Variants in LONP2 observed in about 807,000 individuals in gnomAD.
LONP2 encodes lon peptidase 2, peroxisomal, also known as lon protease homolog 2, peroxisomal.
A neutral mutation model predicts 85.6 loss-of-function variants in LONP2; 60 were observed. That is an observed-to-expected ratio of 0.70 (90% confidence interval 0.57 to 0.87). LONP2 has a LOEUF of 0.87. Among genes scored for constraint, LONP2 ranks in the 40% least tolerant of loss-of-function variants. LONP2 has a pLI of 0.00. For synonymous variants in LONP2, 395 were observed against 389.7 expected (o/e 1.01, Z -0.16); for missense variants, 860 against 1,063.5 (o/e 0.81, Z 2.66).
At chr16:48,345,236 A>AAAAACAG (rs1438077795) in intron 12 of LONP2, 2 of 152,218 alleles carry the variant, frequency 1.3e-5, no homozygotes, top group African/African-American at 4.8e-5. Flanking sequence ...ACAAAAAACA[A>AAAAACAG]AAACAAGAAG....
At position 48,362,578 on chromosome 16, in the gene LONP2, T is replaced by C. The variant is rs78029544; in HGVS notation, c.*715T>C. The C allele has an allele frequency of 5.2e-6, 4 of 772,738 alleles. No homozygotes were observed. In the South Asian group the frequency reaches 5.8e-5, roughly 11 times the overall value. The allele number at this position is 772,738 out of a possible 1,614,324, so 47.9% of individuals were successfully genotyped here. A position where few individuals can be genotyped will look rare whatever the true frequency, so the allele number is the denominator to read the frequency against. ...AAGAAAAATAGGATTAAAAAAGATATTAAAAAAATAAAATTACACTGAATG... is the reference window on the plus strand; with the variant it reads ...AAGAAAAATAGGATTAAAAAAGATACTAAAAAAATAAAATTACACTGAATG... On this transcript the variant is annotated 3_prime_UTR_variant, in exon 5 of 5. Coordinates refer to the LONP2 transcript ENST00000565867. The surrounding 1 kb of genome is among the most constrained non-coding windows in gnomAD (Gnocchi z 4.2).
At chr16:48,333,859 A>G (rs1197829658) in intron 11 of LONP2, among the ~76,000 whole-genome samples, 3 of 152,206 alleles carry the variant, frequency 2.0e-5, no homozygotes, top group African/African-American at 4.8e-5. Flanking sequence ...TGTCCTAGCT[A>G]TAGGCCATAA....
Position 48,334,359 on chromosome 16 carries a change from G to A in LONP2, c.1938+1G>A. 13 of 1,614,176 alleles carry A rather than the reference G, an allele frequency of 8.1e-6. No homozygotes were observed. The highest frequency in any genetic ancestry group is 1.1e-5 in the Non-Finnish European group (13 of 1,180,012). Reference sequence around the variant, plus strand: ...TGGGCCCCCGATGTATGAAATGGAGGTGATTCATTCTTTTTATTTCTTTTT... The same window carrying A: ...TGGGCCCCCGATGTATGAAATGGAGATGATTCATTCTTTTTATTTCTTTTT... On this transcript the variant is annotated splice_donor_variant, in intron 12 of 14. Transcript: ENST00000285737. LOFTEE classifies it high-confidence loss of function.
chr16:48,341,192 C>G (rs1191991781), intron 12 of LONP2, among the ~76,000 whole-genome samples: 1 of 152,028 alleles, frequency 6.6e-6, no homozygotes, highest in African/African-American at 2.4e-5. Flanking sequence ...CTCAGCTACT[C>G]GAGAGGCCGA....
chr16:48,329,999 G>A (rs113287737), intron 11 of LONP2, among the ~76,000 whole-genome samples: 9,654 of 152,302 alleles, frequency 0.063, 361 homozygotes, highest in Middle Eastern at 0.15. Context: ...GTGTGAGACT[G>A]TAAATATTTG....
At chr16:48,359,440 C>A (rs1960492636), downstream of LONP2, among the ~76,000 whole-genome samples, 1 of 152,142 alleles carries the variant, frequency 6.6e-6, no homozygotes, top group Non-Finnish European at 1.5e-5. Context: ...AATGGCTACG[C>A]AAGGCCGGGC....
downstream of LONP2, among the ~76,000 whole-genome samples, chr16:48,359,841 G>C (rs1471332654): frequency 6.6e-6 from 1 of 152,206 alleles, no homozygotes; most frequent in South Asian, 2.1e-4. Flanking sequence ...AAATTATCCA[G>C]AATCAGTGGT....
rs749390649 is a variant in LONP2 at position 48,337,845 on chromosome 16, A to T, written c.1938+3487A>T. Among the ~76,000 whole-genome samples, 52 of 152,222 alleles carry T rather than the reference A, an allele frequency of 3.4e-4. 2 individuals are homozygous for T. The highest frequency in any genetic ancestry group is 2.9e-3 in the East Asian group (15 of 5,176). Reference sequence around the variant, plus strand: ...TTTTTACTTTTTGAGATGAGGTCTCACTCTGTCACCTAGGCTGGATTGCAG... The same window carrying T: ...TTTTTACTTTTTGAGATGAGGTCTCTCTCTGTCACCTAGGCTGGATTGCAG... On this transcript the variant is annotated intron_variant, in intron 12 of 14. Coordinates refer to ENST00000285737, the MANE Select transcript of LONP2 (RefSeq NM_031490.5).
At chr16:48,342,292 A>T (rs1597000684) in intron 12 of LONP2, among the ~76,000 whole-genome samples, 1 of 152,366 alleles carries the variant, frequency 6.6e-6, no homozygotes, top group East Asian at 1.9e-4. Context: ...CCTCCTGAAT[A>T]GAATGCATCC....
At chr16:48,305,339 C>T (rs752217694) in intron 11 of LONP2, among the ~76,000 whole-genome samples, 36 of 152,208 alleles carry the variant, frequency 2.4e-4, no homozygotes, top group Non-Finnish European at 4.4e-4. Context: ...ACTGCAACCT[C>T]CGTCTCCGAG....
At chr16:48,245,930 A>C (rs1277453121) in intron 1 of LONP2, among the ~76,000 whole-genome samples, 1 of 152,072 alleles carries the variant, frequency 6.6e-6, no homozygotes, top group Admixed American at 6.5e-5. Flanking sequence ...TTGTGTTTTC[A>C]GTTTAGAGCT....
chr16:48,244,897 T>C (rs150103266), intron 1 of LONP2, among the ~76,000 whole-genome samples: 224 of 152,326 alleles, frequency 1.5e-3, no homozygotes, highest in African/African-American at 5.2e-3. Flanking sequence ...CTTCCCCCTC[T>C]CCGCAATTCC....
intron 6 of LONP2, among the ~76,000 whole-genome samples, chr16:48,264,755 T>C (rs968026754): frequency 2.7e-4 from 41 of 152,190 alleles, no homozygotes; most frequent in African/African-American, 8.2e-4. Context: ...CATAAGAAAT[T>C]ACAAAAGTAT....
At chr16:48,336,880 G>C (rs1259644214) in intron 12 of LONP2, among the ~76,000 whole-genome samples, 2 of 152,180 alleles carry the variant, frequency 1.3e-5, no homozygotes, top group Non-Finnish European at 2.9e-5. Flanking sequence ...TGGGAACATT[G>C]TGTTCATTTT....
At chr16:48,291,396 C>CT in intron 8 of LONP2, among the ~76,000 whole-genome samples, 1 of 152,328 alleles carries the variant, frequency 6.6e-6, no homozygotes, top group African/African-American at 2.4e-5. Flanking sequence ...GTAATGAACT[C>CT]TATGTAATCT....
intron 12 of LONP2, among the ~76,000 whole-genome samples, chr16:48,337,685 C>G (rs765055268): frequency 4.6e-5 from 7 of 152,200 alleles, no homozygotes; most frequent in Non-Finnish European, 1.0e-4. Context: ...TTGCACCTCA[C>G]AAGTGGCCAG....
chr16:48,253,604 A>G (rs1971698394), intron 2 of LONP2, among the ~76,000 whole-genome samples: 1 of 152,226 alleles, frequency 6.6e-6, no homozygotes, highest in Non-Finnish European at 1.5e-5. Flanking sequence ...AAGGAGATTG[A>G]GAGAAATAGA....
At chr16:48,301,576 G>C (rs548557616) in intron 10 of LONP2, among the ~76,000 whole-genome samples, 2 of 151,672 alleles carry the variant, frequency 1.3e-5, no homozygotes, top group Admixed American at 1.3e-4. Context: ...TGGAGGTTGC[G>C]GTGAGTTGAG....
At chr16:48,285,886 A>G (rs945603241) in intron 8 of LONP2, among the ~76,000 whole-genome samples, 5 of 152,146 alleles carry the variant, frequency 3.3e-5, no homozygotes, top group Non-Finnish European at 7.3e-5. Context: ...GCCAATCTCC[A>G]GAACTTTTTC....
Sources: gnomAD v4.1 joint callset for allele counts (sites outside exome capture counted in the v4.1 genomes callset) on GRCh38, gnomAD v4.1.1 for gene constraint, Gnocchi (gnomAD v3.1) non-coding constraint, MANE v1.5 for transcripts, NCBI Gene and HGNC (gene_info 2026-07-23, HGNC 2026-07-21) for gene names.